Variants in ROBO1 observed in about 807,000 individuals in gnomAD.
ROBO1 encodes the protein roundabout homolog 1.
A neutral mutation model predicts 195.9 loss-of-function variants in ROBO1; 149 were observed. That is an observed-to-expected ratio of 0.76 (90% CI 0.67 to 0.87). The LOEUF (loss-of-function observed/expected upper bound fraction) is 0.87. Ranked by LOEUF, ROBO1 falls within the 40% of genes least tolerant of loss-of-function variation. The probability of loss-of-function intolerance (pLI) is 0.00; values close to 1 mark genes in which losing one functional copy is unlikely to be tolerated. For missense variants in ROBO1, 1,933 were observed against 2,068.3 expected (o/e 0.93, Z 1.27); for synonymous variants, 816 against 733.2 (o/e 1.11, Z -1.82).
intron 10 of ROBO1, among the ~76,000 whole-genome samples, chr3:78,681,164 C>G (rs1366302238): frequency 6.6e-6 from 1 of 150,500 alleles, no homozygotes; most frequent in African/African-American, 2.4e-5. Flanking sequence ...AGGGGAACAT[C>G]ACACTCTGGG....
chr3:79,535,977 G>C lies in ROBO1; in HGVS notation c.88+53847C>G, dbSNP rs1044437940. On this transcript the variant is annotated intron_variant, in intron 2 of 30. Coordinates refer to ENST00000464233, the MANE Select transcript of ROBO1 (RefSeq NM_002941.4). ...ATGCACTGAGATTAAATAAATATCT[G>C]CCTTTCCCTGGATCTATGCCTGGAT... Among the ~76,000 whole-genome samples the C allele has an allele frequency of 2.8e-4, 42 of 151,946 alleles. 1 individual carries two copies. Among genetic ancestry groups the C allele is most frequent in the African/African-American group, 2.4e-5 (1 of 41,346 alleles).
At chr3:78,668,613 C>T (rs1183678534) in intron 11 of ROBO1, 48 bp from the exon 12 acceptor site, 2 of 1,575,562 alleles carry the variant, frequency 1.3e-6, no homozygotes, top group South Asian at 1.1e-5. Flanking sequence ...CAAGAACTCA[C>T]TGGGCTGGAA....
At chr3:79,625,889 G>A (rs961007724) in intron 1 of ROBO1, among the ~76,000 whole-genome samples, 2 of 152,034 alleles carry the variant, frequency 1.3e-5, no homozygotes, top group African/African-American at 4.8e-5. Flanking sequence ...ATCAAAACTG[G>A]GAAGAGACAC....
At chr3:79,515,826 G>A (rs1443134289) in intron 2 of ROBO1, among the ~76,000 whole-genome samples, 1 of 152,150 alleles carries the variant, frequency 6.6e-6, no homozygotes, top group African/African-American at 2.4e-5. Flanking sequence ...TAGTTGGTAT[G>A]TAGTCATTTT....
At chr3:79,540,809 G>C (rs1942036251) in intron 2 of ROBO1, among the ~76,000 whole-genome samples, 1 of 152,010 alleles carries the variant, frequency 6.6e-6, no homozygotes, top group Admixed American at 6.6e-5. Flanking sequence ...TCATTAGGTG[G>C]AGACTACTTA....
chr3:79,062,408 A>T (rs548177211), intron 3 of ROBO1, among the ~76,000 whole-genome samples: 44 of 152,270 alleles, frequency 2.9e-4, no homozygotes, highest in African/African-American at 1.0e-3. Context: ...TGGGAGTGTA[A>T]ATTAGTTCAA....
chr3:79,118,863 C>CAAA (rs532805479), intron 3 of ROBO1, among the ~76,000 whole-genome samples: 1 of 69,688 alleles, frequency 1.4e-5, no homozygotes, highest in Non-Finnish European at 3.2e-5. Flanking sequence ...GACTCCAACT[C>CAAA]AAAAAAAAAA....
chr3:79,404,498 C>T (rs751714004), intron 2 of ROBO1, among the ~76,000 whole-genome samples: 6 of 152,114 alleles, frequency 3.9e-5, no homozygotes, highest in Non-Finnish European at 7.4e-5. Context: ...TCTTATCTGT[C>T]ATCTGGCATT....
At chr3:78,982,615 T>C (rs1040914552) in intron 3 of ROBO1, among the ~76,000 whole-genome samples, 3 of 152,184 alleles carry the variant, frequency 2.0e-5, no homozygotes, top group African/African-American at 7.2e-5. Flanking sequence ...AGCTGCCTTT[T>C]TGTAAATTTT....
chr3:78,772,448 T>A (rs955573636), intron 4 of ROBO1, among the ~76,000 whole-genome samples: 4 of 152,062 alleles, frequency 2.6e-5, no homozygotes, highest in African/African-American at 9.7e-5. Context: ...AAAATATATA[T>A]CTCTAGAAAA....
intron 4 of ROBO1, among the ~76,000 whole-genome samples, chr3:78,852,336 A>C (rs1427215082): frequency 6.6e-6 from 1 of 152,114 alleles, no homozygotes; most frequent in Non-Finnish European, 1.5e-5. Flanking sequence ...ATTATAAGAG[A>C]TTTCTCTCTT....
intron 2 of ROBO1, among the ~76,000 whole-genome samples, chr3:79,471,520 A>G (rs1186420001): frequency 3.9e-5 from 6 of 152,176 alleles, no homozygotes; most frequent in Non-Finnish European, 7.4e-5. Context: ...GAATTATCAT[A>G]TAAGTTTGCA....
intron 2 of ROBO1, among the ~76,000 whole-genome samples, chr3:79,336,478 G>A (rs904796364): frequency 2.0e-5 from 3 of 152,198 alleles, no homozygotes; most frequent in Non-Finnish European, 4.4e-5. Context: ...CAGCTTACAC[G>A]TGGTGTTGGG....
At chr3:78,625,701 A>C (rs1416934251) in intron 26 of ROBO1, among the ~76,000 whole-genome samples, 1 of 152,242 alleles carries the variant, frequency 6.6e-6, no homozygotes, top group Non-Finnish European at 1.5e-5. Context: ...AATTTATAAA[A>C]TGGCCATCAT....
chr3:79,470,745 G>T (rs1363402345), intron 2 of ROBO1, among the ~76,000 whole-genome samples: 2 of 151,978 alleles, frequency 1.3e-5, no homozygotes, highest in African/African-American at 4.8e-5. Context: ...AAGCTCTCTT[G>T]CCTGCCACCA....
At chr3:79,644,056 A>G (rs1945745633) in intron 1 of ROBO1, among the ~76,000 whole-genome samples, 1 of 152,288 alleles carries the variant, frequency 6.6e-6, no homozygotes, top group East Asian at 1.9e-4. Flanking sequence ...ACCAGTAGCT[A>G]TAATTATATG....
intron 2 of ROBO1, among the ~76,000 whole-genome samples, chr3:79,247,129 G>GT (rs575917340): frequency 0.11 from 15,119 of 134,638 alleles, 901 homozygotes; most frequent in Non-Finnish European, 0.13. Flanking sequence ...CCTGTTTACT[G>GT]TTTTTTTTTT....
intron 2 of ROBO1, among the ~76,000 whole-genome samples, chr3:79,450,078 C>G (rs567971429): frequency 6.7e-6 from 1 of 149,404 alleles, no homozygotes; most frequent in South Asian, 2.1e-4. Flanking sequence ...GCTTCTGACC[C>G]AGTTCTTAGC....
chr3:79,719,666 C>G (rs1702621423), intron 1 of ROBO1, among the ~76,000 whole-genome samples: 1 of 151,994 alleles, frequency 6.6e-6, no homozygotes, highest in Non-Finnish European at 1.5e-5. Flanking sequence ...TATCATATTA[C>G]AAAAGGCACA....
Sources: allele counts gnomAD v4.1 joint callset (sites outside exome capture counted in the v4.1 genomes callset), GRCh38; gene constraint gnomAD v4.1.1; transcripts MANE v1.5; gene names NCBI Gene and HGNC (gene_info 2026-07-23, HGNC 2026-07-21).